Variants in CFAP69 observed in about 807,000 individuals in gnomAD.
The protein encoded by CFAP69 is cilia and flagella associated protein 69.
Under a neutral mutation model 123.0 loss-of-function variants are expected in CFAP69, and 92 were observed. The ratio of observed to expected loss-of-function variants is 0.75; its 90% CI spans 0.63 to 0.89. The LOEUF is 0.89. Ranked by LOEUF, CFAP69 falls within the 40% of genes least tolerant of loss-of-function variation. CFAP69 has a pLI of 0.00. For synonymous variants in CFAP69, 380 were observed against 364.3 expected, an observed-to-expected ratio of 1.04 and a Z score of -0.49; for missense variants, 1,067 against 1,096.9, an observed-to-expected ratio of 0.97 and a Z score of 0.39.
intron 19 of CFAP69, 88 bp downstream of exon 19, chr7:90,304,908 A>C: frequency 2.1e-6 from 2 of 960,638 alleles, no homozygotes; most frequent in Admixed American, 4.8e-5. Flanking sequence ...GGTTGTGAGC[A>C]ATCATCTACA....
intron 9 of CFAP69, among the ~76,000 whole-genome samples, chr7:90,274,975 T>C (rs1788371962): frequency 6.6e-6 from 1 of 152,214 alleles, no homozygotes; most frequent in Non-Finnish European, 1.5e-5. Flanking sequence ...TTTTTGATAT[T>C]GTCCCACAGG....
intron 1 of CFAP69, among the ~76,000 whole-genome samples, chr7:90,249,889 G>A (rs1295954784): frequency 5.3e-5 from 8 of 152,056 alleles, no homozygotes; most frequent in African/African-American, 1.4e-4. Context: ...GTTGACTGGC[G>A]TAGGTATCAT....
At chr7:90,301,663 C>A (rs1340942983) in intron 17 of CFAP69, 1 of 152,172 alleles carries the variant, frequency 6.6e-6, no homozygotes, top group African/African-American at 2.4e-5. Context: ...CATGATCTCA[C>A]TATTTTTATG....
rs1401367178 is a variant in CFAP69 at position 90,255,082 on chromosome 7, T to C, written c.121-341T>C. On this transcript the variant is annotated intron_variant, in intron 1 of 22. Coordinates refer to ENST00000389297, the MANE Select transcript of CFAP69 (RefSeq NM_001039706.3). ...TAGTTTAGAAGCTACTCTTACCATGTATCTGCATAGGCAAACTTAGTGTAA... is the reference window on the plus strand; with the variant it reads ...TAGTTTAGAAGCTACTCTTACCATGCATCTGCATAGGCAAACTTAGTGTAA... Among the ~76,000 whole-genome samples, 3 of 152,242 alleles carry C rather than the reference T, an allele frequency of 2.0e-5. No individual in the cohort carries two copies. In the East Asian group the frequency reaches 5.8e-4, roughly 29 times the overall value.
At chr7:90,298,144 T>C (rs1406076410) in intron 16 of CFAP69, among the ~76,000 whole-genome samples, 1 of 152,218 alleles carries the variant, frequency 6.6e-6, no homozygotes, top group Admixed American at 6.5e-5. Context: ...CTTGACCATA[T>C]GAAAACCCAT....
chr7:90,308,623 G>C (rs1793946938), intron 21 of CFAP69, among the ~76,000 whole-genome samples: 1 of 152,092 alleles, frequency 6.6e-6, no homozygotes, highest in Non-Finnish European at 1.5e-5. Flanking sequence ...TTAAGAACAA[G>C]CTCACTCAAG....
intron 22 of CFAP69, 46 bp downstream of exon 22, chr7:90,309,413 A>T (rs751719075): frequency 9.8e-6 from 11 of 1,128,046 alleles, no homozygotes; most frequent in Non-Finnish European, 1.4e-5. Context: ...CATTAAATTT[A>T]GAGTGTTTGA....
chr7:90,297,379 G>A (rs1792142864), intron 15 of CFAP69, among the ~76,000 whole-genome samples: 1 of 152,054 alleles, frequency 6.6e-6, no homozygotes, highest in Admixed American at 6.6e-5. Flanking sequence ...GTTGGTTGGG[G>A]GGCTTAGAAT....
intron 15 of CFAP69, among the ~76,000 whole-genome samples, chr7:90,290,506 A>C (rs901988655): frequency 6.6e-6 from 1 of 152,178 alleles, no homozygotes; most frequent in Non-Finnish European, 1.5e-5. Context: ...AGGCTACTTT[A>C]TTCAGTTTAC....
chr7:90,287,599 A>G (rs933043559), intron 14 of CFAP69: 11 of 985,304 alleles, frequency 1.1e-5, no homozygotes, highest in African/African-American at 1.7e-5. Flanking sequence ...GATGGTTTCA[A>G]TAGATAGATT....
chr7:90,246,504 A>T (rs1397109161), intron 1 of CFAP69, among the ~76,000 whole-genome samples: 4 of 152,236 alleles, frequency 2.6e-5, no homozygotes, highest in African/African-American at 9.6e-5. Context: ...ACTGGGGAAT[A>T]GAGTTGAGCT....
At chr7:90,263,382 G>A (rs1477655207) in intron 4 of CFAP69, among the ~76,000 whole-genome samples, 2 of 152,122 alleles carry the variant, frequency 1.3e-5, no homozygotes, top group African/African-American at 2.4e-5. Context: ...GAATAATAAT[G>A]TCAAGCCTTT....
In CFAP69 at chr7:90,271,834, C is replaced by T. The variant is rs769265037; in HGVS notation, c.736C>T (p.His246Tyr). The stretch of plus-strand genomic sequence containing the variant: ...ACAAGCAGCCAGTGGAATCTGTACT[C>T]ACCTCAATGACCCAGATCCCTCTGG... ...KAQAASGICT[H>Y]LNDPDPSGQL... is the part of the protein sequence containing the mutation. The change falls in exon 8 of 23, where the codon CAC becomes TAC. Residue 246 changes from histidine to tyrosine, a missense_variant. Coordinates refer to ENST00000389297, the MANE Select transcript of CFAP69 (RefSeq NM_001039706.3). The T allele has an allele frequency of 5.0e-6, 8 of 1,600,344 alleles. No individual in the cohort carries two copies. The highest frequency in any genetic ancestry group is 6.8e-6 in the Non-Finnish European group (8 of 1,171,928).
At chr7:90,296,459 C>T (rs964588257) in intron 15 of CFAP69, among the ~76,000 whole-genome samples, 4 of 151,992 alleles carry the variant, frequency 2.6e-5, no homozygotes, top group African/African-American at 9.7e-5. Flanking sequence ...TCCTGAATAA[C>T]TGGGATTACA....
intron 1 of CFAP69, among the ~76,000 whole-genome samples, chr7:90,248,449 G>A (rs1002085429): frequency 1.3e-5 from 2 of 152,074 alleles, no homozygotes; most frequent in Admixed American, 1.3e-4. Context: ...AGGCAATAGC[G>A]CCTATAAATT....
chr7:90,297,563 G>A (rs960559752), intron 15 of CFAP69, among the ~76,000 whole-genome samples, 186 bp from the exon 16 acceptor site: 3 of 152,156 alleles, frequency 2.0e-5, no homozygotes, highest in Non-Finnish European at 2.9e-5. Flanking sequence ...TTTTAAAAAC[G>A]TTGAAACTGA....
rs939171126 is a variant in CFAP69 at position 90,271,422 on chromosome 7, A to T, written c.533-104A>T. On this transcript the variant is annotated intron_variant, in intron 6 of 22. Coordinates refer to ENST00000389297, the MANE Select transcript of CFAP69 (RefSeq NM_001039706.3). ...CAATTTTTAAATTCCATATACTTTTAAAAAGTTTTTCTTGCTGTTGCTTAA... is the reference window on the plus strand; with the variant it reads ...CAATTTTTAAATTCCATATACTTTTTAAAAGTTTTTCTTGCTGTTGCTTAA... The T allele has an allele frequency of 2.9e-5, 37 of 1,255,350 alleles. No homozygotes were observed. In the South Asian group the frequency reaches 4.7e-4, roughly 16 times the overall value. The allele number at this position is 1,255,350 out of a possible 1,614,324, so 77.8% of individuals were successfully genotyped here.
chr7:90,269,371 G>C (rs1051870302), intron 6 of CFAP69, among the ~76,000 whole-genome samples: 4 of 152,128 alleles, frequency 2.6e-5, no homozygotes, highest in South Asian at 4.1e-4. Flanking sequence ...AAGCAGCAAG[G>C]CATCAAGAAT....
chr7:90,312,233 C>A (rs770669818), downstream of CFAP69, among the ~76,000 whole-genome samples: 1 of 152,182 alleles, frequency 6.6e-6, no homozygotes, highest in Non-Finnish European at 1.5e-5. Flanking sequence ...CAAAATACTA[C>A]ACAAGTAATG....
Sources: allele counts gnomAD v4.1 joint callset (sites outside exome capture counted in the v4.1 genomes callset), GRCh38; gene constraint gnomAD v4.1.1; transcripts MANE v1.5; gene names NCBI Gene and HGNC (gene_info 2026-07-23, HGNC 2026-07-21).